Variants in KDR observed in about 807,000 individuals in gnomAD.
The protein encoded by KDR is kinase insert domain receptor, also known as vascular endothelial growth factor receptor 2.
In KDR, 43 loss-of-function variants were observed where a neutral mutation model predicts 160.9. That is an observed-to-expected ratio of 0.27 (90% confidence interval 0.21 to 0.34). The LOEUF (loss-of-function observed/expected upper bound fraction) is 0.34. KDR is among the 10% of genes least tolerant of loss of function. The pLI, the probability that KDR is intolerant of heterozygous loss-of-function variation, is 1.00. For missense variants in KDR, 1,469 were observed against 1,666.4 expected (o/e 0.88, Z 2.06); for synonymous variants, 617 against 600.1 (o/e 1.03, Z -0.41).
intron 10 of KDR, among the ~76,000 whole-genome samples, chr4:55,107,207 CA>C (rs1720466420): frequency 6.6e-6 from 1 of 152,144 alleles, no homozygotes; most frequent in Non-Finnish European, 1.5e-5. Context: ...GTGGCCATTT[CA>C]AAAACAACAA....
At chr4:55,100,159 G>T (rs976992277) in intron 15 of KDR, among the ~76,000 whole-genome samples, 1 of 152,114 alleles carries the variant, frequency 6.6e-6, no homozygotes, top group Non-Finnish European at 1.5e-5. Flanking sequence ...GGCCCACTAC[G>T]GCCTCAAGAG....
At position 55,104,770 on chromosome 4, in the gene KDR, G is replaced by C. The variant is rs756106012; in HGVS notation, c.1860C>G (p.Ser620Arg). Residue 620 changes from serine (S) to arginine (R), a missense_variant, in exon 13 of 30, where the codon AGC becomes AGG. By Grantham distance (110) the Ser-to-Arg change is moderately radical (BLOSUM62 -1). Transcript: ENST00000263923. Reference protein sequence around the residue: ...WKLNATMFSNSTNDILIMELK... With the variant: ...WKLNATMFSNRTNDILIMELK... ...GCTCCATGATCAAAATGTCATTTGT[G>C]CTATTAGAGAACATGGTGGCATTCA... 22 of 1,613,806 alleles carry C rather than the reference G, an allele frequency of 1.4e-5. No individual in the cohort carries two copies. The highest frequency in any genetic ancestry group is 1.8e-5 in the Non-Finnish European group (21 of 1,179,880).
At chr4:55,119,922 A>G (rs1720825361) in intron 2 of KDR, among the ~76,000 whole-genome samples, 1 of 152,232 alleles carries the variant, frequency 6.6e-6, no homozygotes, top group Non-Finnish European at 1.5e-5. Flanking sequence ...TTGCAGCTAA[A>G]TCAATGAAGT....
chr4:55,092,837 A>T, intron 21 of KDR, 123 bp from the exon 22 acceptor site: 2 of 717,100 alleles, frequency 2.8e-6, no homozygotes, highest in Non-Finnish European at 5.1e-6. Context: ...ATAGAAGCAG[A>T]GAGTCAATGC....
chr4:55,103,990 CA>C (rs1720375960), intron 13 of KDR, among the ~76,000 whole-genome samples: 1 of 152,168 alleles, frequency 6.6e-6, no homozygotes, highest in Admixed American at 6.5e-5. Flanking sequence ...GCTATCTGCT[CA>C]CTGAAGTGAT....
Position 55,114,246 on chromosome 4 carries a change from C to T in KDR, c.678G>A (p.Val226=). The T allele has an allele frequency of 6.2e-7, 1 of 1,613,852 alleles. No individual in the cohort carries two copies. Among genetic ancestry groups the T allele is most frequent in the Non-Finnish European group, 8.5e-7 (1 of 1,179,870 alleles). ...VVVVGYRIYD[V]VLSPSHGIEL... ...CAATTCCATGAGACGGACTCAGAAC[C>T]ACATCATAAATCCTATACCCTAGAG... is the stretch of plus-strand genomic sequence containing the variant. Residue 226 remains valine, a synonymous_variant, in exon 6 of 30, where the codon GTG becomes GTA. Coordinates refer to ENST00000263923, the MANE Select transcript of KDR (RefSeq NM_002253.4).
At chr4:55,092,540 C>T (rs1461830265) in intron 22 of KDR, 77 bp downstream of exon 22, 1 of 1,011,124 alleles carries the variant, frequency 9.9e-7, no homozygotes, top group Non-Finnish European at 1.6e-6. Flanking sequence ...AAACAAGCAC[C>T]AATGGCTGAC....
At chr4:55,103,466 C>T (rs1034235325) in intron 13 of KDR, among the ~76,000 whole-genome samples, 1 of 152,124 alleles carries the variant, frequency 6.6e-6, no homozygotes, top group African/African-American at 2.4e-5. Flanking sequence ...CAGCTAACTG[C>T]GAGCACATAT....
rs59408784 is a variant in KDR at position 55,122,042 on chromosome 4, AT to A, written c.68-853del. 7.1e-3 allele frequency among the ~76,000 whole-genome samples: 1,077 copies of A among 152,220 alleles called. 11 individuals are homozygous for A. Among genetic ancestry groups the A allele is most frequent in the African/African-American group, 0.025 (1,036 of 41,528 alleles). ...TACCCTTTTTTAAAAACGTATATAA[AT>A]TTTTTTAAGTGCAATGCTAATGAAT... On this transcript the variant is annotated intron_variant, in intron 1 of 29. Coordinates refer to ENST00000263923, the MANE Select transcript of KDR (RefSeq NM_002253.4).
chr4:55,101,939 C>G lies in KDR; in HGVS notation c.2224G>C (p.Val742Leu), dbSNP rs754510705. ...EGLYTCQACS[V>L]LGCAKVEAFF... is the part of the protein sequence containing the mutation. Reference sequence around the variant, plus strand: ...GCCTCCACTTTTGCACAGCCAAGAACACTGCATGCCTGGCAGGTGTAGAGG... The same window carrying G: ...GCCTCCACTTTTGCACAGCCAAGAAGACTGCATGCCTGGCAGGTGTAGAGG... Residue 742 changes from valine (V) to leucine (L), a missense_variant, in exon 15 of 30, where the codon GTT (valine) becomes CTT (leucine). Around this residue, in one of 7 missense-constraint regions of KDR, gnomAD observed 39 missense variants for 72.1 expected, o/e 0.54. Coordinates refer to ENST00000263923, the MANE Select transcript of KDR (RefSeq NM_002253.4). The G allele has an allele frequency of 5.6e-6, 9 of 1,613,670 alleles. No homozygotes were observed. The South Asian group carries it at 9.9e-5, about 18-fold the overall frequency.
At chr4:55,109,538 G>C (rs7694150) in intron 9 of KDR, among the ~76,000 whole-genome samples, 1 of 152,132 alleles carries the variant, frequency 6.6e-6, no homozygotes, top group African/African-American at 2.4e-5. Context: ...AATTACAACA[G>C]AGAAGCATTT....
At position 55,115,314 on chromosome 4, in the gene KDR, C is replaced by T. The variant is rs530078483; in HGVS notation, c.456G>A (p.Gly152=). The change falls in exon 4 of 30, where the codon GGG becomes GGA. Residue 152 remains glycine, a synonymous_variant. Coordinates refer to ENST00000263923, the MANE Select transcript of KDR (RefSeq NM_002253.4). ...GTGACACGTTGAGATTTGAAATGGA[C>T]CCGAGACATGGAATCACCACAGTTT... The part of the protein sequence containing the change: ...KNKTVVIPCL[G]SISNLNVSLC... 3.0e-5 allele frequency: 48 copies of T among 1,610,196 alleles called. No individual in the cohort carries two copies. In the East Asian group the frequency reaches 1.0e-3, roughly 34 times the overall value.
chr4:55,121,225 A>G, intron 1 of KDR, 35 bp from the exon 2 acceptor site: 1 of 1,467,942 alleles, frequency 6.8e-7, no homozygotes, highest in Non-Finnish European at 9.5e-7. Flanking sequence ...TGTAGTTGCC[A>G]CTGAGTTAGA....
chr4:55,102,402 G>A lies in KDR; in HGVS notation c.2094C>T (p.Ile698=), dbSNP rs764551442. 1.9e-6 allele frequency: 3 copies of A among 1,613,470 alleles called. No individual in the cohort carries two copies. The African/African-American group carries it at 4.0e-5, about 22-fold the overall frequency. The change falls in exon 14 of 30, where the codon ATC becomes ATT. Residue 698 remains isoleucine (I), a synonymous_variant. Coordinates refer to ENST00000263923, the MANE Select transcript of KDR (RefSeq NM_002253.4). The stretch of plus-strand genomic sequence containing the variant: ...GGGTCTCATTATCTTTAAACCACAT[G>A]ATCTGTGGAGGGGGATTCCCAGATG... ...CTASGNPPPQ[I]MWFKDNETLV...
At chr4:55,111,449 A>G (rs1378344478) in intron 7 of KDR, among the ~76,000 whole-genome samples, 1 of 152,104 alleles carries the variant, frequency 6.6e-6, no homozygotes, top group Non-Finnish European at 1.5e-5. Flanking sequence ...TCCACAACCA[A>G]TGAATTGATC....
At chr4:55,121,069 G>A (rs371301781) in intron 2 of KDR, 28 bp downstream of exon 2, 2 of 1,475,094 alleles carry the variant, frequency 1.4e-6, no homozygotes, top group East Asian at 2.3e-5. Context: ...CTTAACACAA[G>A]AAATCTAGAT....
chr4:55,102,539 T>C, intron 13 of KDR, 31 bp from the exon 14 acceptor site: 6 of 1,612,834 alleles, frequency 3.7e-6, no homozygotes, highest in Non-Finnish European at 5.1e-6. Flanking sequence ...TCACAGAACA[T>C]GGAATTATAA....
Position 55,097,705 on chromosome 4 carries a change from G to T in KDR, c.2571C>A (p.Asp857Glu). ...CTACTGTCCTGCAAGTTGCTGTCTT[G>T]TCAATTCCAAAGGCATCTGCTTCAA... ...QVIEADAFGI[D>E]KTATCRTVAV... The change falls in exon 18 of 30, where the codon GAC (aspartate) becomes GAA (glutamate). Residue 857 changes from aspartate (D) to glutamate (E), a missense_variant. Coordinates refer to ENST00000263923, the MANE Select transcript of KDR (RefSeq NM_002253.4). The T allele has an allele frequency of 6.2e-7, 1 of 1,613,302 alleles. No homozygotes were observed. Among genetic ancestry groups the T allele is most frequent in the South Asian group, 1.1e-5 (1 of 91,052 alleles).
At chr4:55,114,027 C>G in intron 6 of KDR, 99 bp downstream of exon 6, 1 of 1,252,958 alleles carries the variant, frequency 8.0e-7, no homozygotes, top group Non-Finnish European at 1.2e-6. Context: ...AAGGCTCTTA[C>G]ATTTTATCTG....
Sources: gnomAD v4.1 joint callset for allele counts (sites outside exome capture counted in the v4.1 genomes callset) on GRCh38, gnomAD v4.1.1 for gene constraint, gnomAD v4.1.1 regional missense constraint, MANE v1.5 for transcripts, NCBI Gene and HGNC (gene_info 2026-07-23, HGNC 2026-07-21) for gene names.